GXYLT2: variants seen among roughly 807,000 people sequenced by gnomAD.
The protein encoded by GXYLT2 is glucoside xylosyltransferase 2.
A neutral mutation model predicts 45.8 loss-of-function variants in GXYLT2; 53 were observed. The ratio of observed to expected loss-of-function variants is 1.16; its 90% CI spans 0.93 to 1.46. The LOEUF is 1.46. GXYLT2 is among the 40% of genes most tolerant of loss of function. The probability of loss-of-function intolerance (pLI) is 0.00; values close to 1 mark genes in which losing one functional copy is unlikely to be tolerated. For missense variants in GXYLT2, 551 were observed against 544.4 expected, an observed-to-expected ratio of 1.01 and a Z score of -0.12; for synonymous variants, 219 against 214.2, an observed-to-expected ratio of 1.02 and a Z score of -0.19.
intron 1 of GXYLT2, among the ~76,000 whole-genome samples, chr3:72,889,451 T>C (rs1709136290): frequency 6.6e-6 from 1 of 152,230 alleles, no homozygotes; most frequent in Non-Finnish European, 1.5e-5. Context: ...GTGCCTTTAC[T>C]GTAACTAAAA....
In GXYLT2 at chr3:72,888,275, G is replaced by A; in HGVS notation, c.42G>A (p.Ala14=). ...AGGCGGCGGCGCTGCTCTTGCTCGC[G>A]CTGGCCGCGCTGCTGCTGGCGCTGC... The part of the protein sequence containing the change: ...RSKAAALLLL[A]LAALLLALLS... The change falls in exon 1 of 7, where the codon GCG becomes GCA. Residue 14 remains alanine (A), a synonymous_variant. Coordinates refer to ENST00000389617, the MANE Select transcript of GXYLT2 (RefSeq NM_001080393.2). 2 of 994,362 alleles carry A rather than the reference G, an allele frequency of 2.0e-6. No individual in the cohort carries two copies. Among genetic ancestry groups the A allele is most frequent in the Non-Finnish European group, 1.2e-6 (1 of 838,432 alleles). 61.6% of individuals were successfully genotyped at this position (994,362 alleles called of 1,614,324 possible). A position where few individuals can be genotyped will look rare whatever the true frequency, so the allele number is the denominator to read the frequency against.
intron 1 of GXYLT2, among the ~76,000 whole-genome samples, chr3:72,901,118 G>C (rs964774640): frequency 6.6e-6 from 1 of 151,974 alleles, no homozygotes; most frequent in Non-Finnish European, 1.5e-5. Context: ...ATGAAACCCC[G>C]TCTCTATTAA....
intron 2 of GXYLT2, among the ~76,000 whole-genome samples, chr3:72,921,009 C>T (rs1047366865): frequency 2.6e-4 from 40 of 151,290 alleles, no homozygotes; most frequent in African/African-American, 9.7e-4. Context: ...TTAGTAGAGA[C>T]GGGGTTTCGC....
intron 5 of GXYLT2, among the ~76,000 whole-genome samples, chr3:72,957,874 A>G (rs967927820): frequency 6.6e-6 from 1 of 152,186 alleles, no homozygotes; most frequent in African/African-American, 2.4e-5. Flanking sequence ...GGTGGGGTAG[A>G]GGGAAAAAGG....
chr3:72,942,454 T>C (rs1710319506), intron 3 of GXYLT2, among the ~76,000 whole-genome samples: 1 of 152,080 alleles, frequency 6.6e-6, no homozygotes, highest in South Asian at 2.1e-4. Context: ...GGAGTGAAAG[T>C]TTAACCAGAA....
At chr3:72,903,835 C>G (rs531080255) in intron 1 of GXYLT2, among the ~76,000 whole-genome samples, 2 of 152,248 alleles carry the variant, frequency 1.3e-5, no homozygotes, top group South Asian at 2.1e-4. Flanking sequence ...ACCTTCGTTA[C>G]GACTCTTATT....
chr3:72,902,195 T>C (rs1157376746), intron 1 of GXYLT2, among the ~76,000 whole-genome samples: 1 of 152,184 alleles, frequency 6.6e-6, no homozygotes, highest in Non-Finnish European at 1.5e-5. Flanking sequence ...TGTAGGTATA[T>C]AACTAGAAAA....
intron 1 of GXYLT2, among the ~76,000 whole-genome samples, chr3:72,906,572 G>A (rs995886948): frequency 7.3e-5 from 11 of 150,738 alleles, no homozygotes; most frequent in Non-Finnish European, 1.0e-4. Flanking sequence ...CCTGCAGAAC[G>A]TAAGTTCTTC....
intron 3 of GXYLT2, among the ~76,000 whole-genome samples, chr3:72,936,596 C>T (rs889334899): frequency 4.6e-5 from 7 of 152,054 alleles, no homozygotes; most frequent in Non-Finnish European, 1.0e-4. Flanking sequence ...GCTGAGATCG[C>T]ACCATTGCAC....
chr3:72,922,394 C>G, intron 3 of GXYLT2, 59 bp downstream of exon 3: 6 of 1,536,524 alleles, frequency 3.9e-6, no homozygotes, highest in Non-Finnish European at 5.3e-6. Context: ...GTAAAATTAG[C>G]TGAGATGTGT....
chr3:72,912,426 G>A (rs551447930), intron 2 of GXYLT2, among the ~76,000 whole-genome samples: 1 of 152,192 alleles, frequency 6.6e-6, no homozygotes, highest in Admixed American at 6.5e-5. Context: ...TGGGATTATA[G>A]GCACATGCCA....
intron 3 of GXYLT2, among the ~76,000 whole-genome samples, chr3:72,939,381 G>A (rs1710254276): frequency 6.6e-6 from 1 of 151,306 alleles, no homozygotes; most frequent in Admixed American, 6.6e-5. Context: ...GTTGCAGTGA[G>A]CCGAGATCAC....
At chr3:72,931,112 A>G (rs1710025322) in intron 3 of GXYLT2, among the ~76,000 whole-genome samples, 1 of 152,248 alleles carries the variant, frequency 6.6e-6, no homozygotes, top group African/African-American at 2.4e-5. Context: ...TTGAAGTTAT[A>G]CAATGTATGT....
chr3:72,944,746 C>G (rs1027992646), intron 3 of GXYLT2, among the ~76,000 whole-genome samples: 3 of 152,076 alleles, frequency 2.0e-5, no homozygotes, highest in African/African-American at 7.2e-5. Flanking sequence ...CTGCTTGAAT[C>G]TGAATGACAA....
chr3:72,889,161 C>G (rs1246462564), intron 1 of GXYLT2, among the ~76,000 whole-genome samples: 1 of 152,172 alleles, frequency 6.6e-6, no homozygotes, highest in Non-Finnish European at 1.5e-5. Context: ...TACTCTCTTT[C>G]CCTACACAAA....
chr3:72,891,982 T>G (rs1263042655), intron 1 of GXYLT2, among the ~76,000 whole-genome samples: 1 of 152,176 alleles, frequency 6.6e-6, no homozygotes, highest in African/African-American at 2.4e-5. Context: ...GACTCTAGCT[T>G]GCTTCTGAAA....
intron 5 of GXYLT2, among the ~76,000 whole-genome samples, chr3:72,961,287 A>C (rs1710763338): frequency 6.6e-6 from 1 of 152,166 alleles, no homozygotes; most frequent in Non-Finnish European, 1.5e-5. Flanking sequence ...AATTCTATAT[A>C]GGAAGATGTG....
intron 3 of GXYLT2, among the ~76,000 whole-genome samples, chr3:72,945,040 C>T: frequency 6.6e-6 from 1 of 151,136 alleles, no homozygotes; most frequent in Non-Finnish European, 1.5e-5. Context: ...TTCTCTTCTA[C>T]AATCAGCCTC....
At chr3:72,962,995 C>T (rs1710796380) in intron 5 of GXYLT2, among the ~76,000 whole-genome samples, 2 of 150,770 alleles carry the variant, frequency 1.3e-5, no homozygotes, top group Admixed American at 1.3e-4. Context: ...AGCAGTTGAA[C>T]AGCCTCCGTT....
Sources: gnomAD v4.1 joint callset for allele counts (sites outside exome capture counted in the v4.1 genomes callset) on GRCh38, gnomAD v4.1.1 for gene constraint, MANE v1.5 for transcripts, NCBI Gene and HGNC (gene_info 2026-07-23, HGNC 2026-07-21) for gene names.